Variants in IDNK observed in about 807,000 individuals in gnomAD.
IDNK encodes the protein IDNK gluconokinase, also known as gluconokinase.
Under a neutral mutation model 13.0 loss-of-function variants are expected in IDNK, and 9 were observed. The ratio of observed to expected loss-of-function variants is 0.69; its 90% CI spans 0.42 to 1.21. The LOEUF is 1.21. Among genes scored for constraint, IDNK ranks in the 50% most tolerant of loss-of-function variants. IDNK has a pLI of 0.00. For missense variants in IDNK, 210 were observed against 237.8 expected (o/e 0.88, Z 0.77); for synonymous variants, 92 against 94.9 (o/e 0.97, Z 0.18).
chr9:83,643,325 C>A, intron 4 of IDNK, 104 bp from the exon 5 acceptor site: 1 of 854,824 alleles, frequency 1.2e-6, no homozygotes, highest in Non-Finnish European at 1.8e-6. Flanking sequence ...ATGCCTTCCA[C>A]TGGCAGGAAG....
intron 1 of IDNK, 143 bp downstream of exon 1, chr9:83,623,364 C>T: frequency 1.3e-6 from 1 of 791,342 alleles, no homozygotes; most frequent in Middle Eastern, 2.3e-4. Context: ...CCGAGGCCCG[C>T]GGCTGCCGCG....
chr9:83,625,043 G>A (rs1388927112), intron 1 of IDNK, among the ~76,000 whole-genome samples: 3 of 152,202 alleles, frequency 2.0e-5, no homozygotes, highest in Non-Finnish European at 1.5e-5. Flanking sequence ...GGAGCAGGAA[G>A]GAACCCATTG....
In IDNK at chr9:83,631,451, G is replaced by GAAAAAAAAAAAAAA. The variant is rs57832482; in HGVS notation, c.168+2498_168+2511dup. ...GCAAGTCCCTGCCTCTACAAAAACT[G>GAAAAAAAAAAAAAA]AAAAAAAAAAAAAAAAAAAGGCTGG... is the stretch of plus-strand genomic sequence containing the variant. On this transcript the variant is annotated intron_variant, in intron 3 of 4. Transcript: ENST00000376419. Among the ~76,000 whole-genome samples the GAAAAAAAAAAAAAA allele has an allele frequency of 1.1e-3, 61 of 56,934 alleles. 10 individuals are homozygous for GAAAAAAAAAAAAAA. Among genetic ancestry groups the GAAAAAAAAAAAAAA allele is most frequent in the African/African-American group, 3.8e-3 (53 of 13,986 alleles). The allele number at this position is 56,934 out of a possible 152,430, so 37.4% of individuals were successfully genotyped here.
intron 3 of IDNK, among the ~76,000 whole-genome samples, chr9:83,631,574 T>C (rs1831016963): frequency 6.6e-6 from 1 of 151,364 alleles, no homozygotes; most frequent in Non-Finnish European, 1.5e-5. Flanking sequence ...ACTGCACTAC[T>C]GCACTCTAGC....
chr9:83,626,872 CT>C (rs1830867072), intron 1 of IDNK: 20 of 1,088,750 alleles, frequency 1.8e-5, no homozygotes, highest in Admixed American at 5.5e-5. Flanking sequence ...CTCTCGCAAC[CT>C]TTGGTTACAT....
At chr9:83,628,284 T>TCCCATC in intron 2 of IDNK, 73 bp downstream of exon 2, 1 of 1,327,040 alleles carries the variant, frequency 7.5e-7, no homozygotes, top group Non-Finnish European at 1.1e-6. Flanking sequence ...CTCTGCCTTT[T>TCCCATC]TTCTGCTTTG....
At chr9:83,636,891 A>G (rs2811910) in intron 3 of IDNK, among the ~76,000 whole-genome samples, 19,747 of 152,318 alleles carry the variant, frequency 0.13, 1,611 homozygotes, top group Middle Eastern at 0.26. Context: ...TGGGACATTT[A>G]TAAAAATTGA....
intron 4 of IDNK, among the ~76,000 whole-genome samples, chr9:83,643,068 G>A (rs760599086): frequency 4.6e-5 from 7 of 152,174 alleles, no homozygotes; most frequent in Non-Finnish European, 8.8e-5. Context: ...CACACACTGC[G>A]ACAGAGCAAC....
upstream of IDNK, chr9:83,623,056 G>T (rs1830741025): frequency 1.4e-6 from 1 of 719,688 alleles, no homozygotes; most frequent in South Asian, 2.9e-5. Context: ...GGAGGGCGCA[G>T]AGGGGCACGG....
chr9:83,626,646 G>A, intron 1 of IDNK: 1 of 1,155,538 alleles, frequency 8.7e-7, no homozygotes, highest in South Asian at 1.3e-5. Context: ...CGAACTCCTG[G>A]CCTCAAGTGA....
intron 4 of IDNK, 101 bp downstream of exon 4, chr9:83,641,692 C>A: frequency 8.4e-7 from 1 of 1,196,950 alleles, no homozygotes; most frequent in South Asian, 1.3e-5. Context: ...TCACAACTGA[C>A]TGATGGTAAA....
rs144306796 is a variant in IDNK at position 83,643,448 on chromosome 9, C to T, written c.232C>T (p.Arg78Cys). 68 of 1,607,654 alleles carry T rather than the reference C, an allele frequency of 4.2e-5. No individual in the cohort carries two copies. The highest frequency in any genetic ancestry group is 8.4e-5 in the Admixed American group (5 of 59,710). The change falls in exon 5 of 5, where the codon CGT becomes TGT. Residue 78 changes from arginine (R) to cysteine (C), a missense_variant. Physicochemically the swap from Arg to Cys is radical, Grantham distance 180. Coordinates refer to ENST00000376419, the MANE Select transcript of IDNK (RefSeq NM_001001551.4). ...AAACAGAGATGTAGCCTCGGGACAG[C>T]GTGTGGTTCTAGCCTGTTCAGCCCT... The part of the protein sequence containing the change: ...ILLRDVASGQ[R>C]VVLACSALKK...
chr9:83,633,139 A>G lies in IDNK; in HGVS notation c.168+4180A>G, dbSNP rs562765055. Among the ~76,000 whole-genome samples, 90 of 152,142 alleles carry G rather than the reference A, an allele frequency of 5.9e-4. No individual in the cohort carries two copies. In the Middle Eastern group the frequency reaches 0.01, roughly 17 times the overall value. On this transcript the variant is annotated intron_variant, in intron 3 of 4. Coordinates refer to ENST00000376419, the MANE Select transcript of IDNK (RefSeq NM_001001551.4). Reference sequence around the variant, plus strand: ...CAGATCACAAGGTCAGGAGATCGAGACCATCCTGGCTAACACGGTGAAATC... The same window carrying G: ...CAGATCACAAGGTCAGGAGATCGAGGCCATCCTGGCTAACACGGTGAAATC...
At chr9:83,628,322 C>G in intron 2 of IDNK, 111 bp downstream of exon 2, 1 of 937,320 alleles carries the variant, frequency 1.1e-6, no homozygotes, top group Non-Finnish European at 1.7e-6. Flanking sequence ...GGCTTTGAAC[C>G]CCACTGGAGC....
chr9:83,627,459 G>A (rs1467361222), intron 1 of IDNK, among the ~76,000 whole-genome samples: 2 of 152,132 alleles, frequency 1.3e-5, no homozygotes, highest in African/African-American at 4.8e-5. Context: ...TGTTTTGCAG[G>A]TGAGAAAACT....
At chr9:83,623,344 G>A in intron 1 of IDNK, 123 bp downstream of exon 1, 12 of 968,010 alleles carry the variant, frequency 1.2e-5, no homozygotes, top group Non-Finnish European at 1.7e-5. Flanking sequence ...TCCCTTTGCA[G>A]ATGAAGAAAC....
At chr9:83,639,094 C>A (rs1260875829) in intron 3 of IDNK, among the ~76,000 whole-genome samples, 1 of 152,164 alleles carries the variant, frequency 6.6e-6, no homozygotes, top group Admixed American at 6.5e-5. Context: ...ATACCACTCA[C>A]ATTTTTTACT....
At chr9:83,627,878 ATTAC>A (rs1564144746) in intron 1 of IDNK, 5 of 87,334 alleles carry the variant, frequency 5.7e-5, no homozygotes, top group Admixed American at 1.4e-4. Context: ...AAAAAAAAAA[ATTAC>A]ACAACAGGGA....
chr9:83,626,647 C>A, intron 1 of IDNK: 1 of 1,165,194 alleles, frequency 8.6e-7, no homozygotes, highest in Non-Finnish European at 1.1e-6. Context: ...GAACTCCTGG[C>A]CTCAAGTGAT....
Sources: allele counts gnomAD v4.1 joint callset (sites outside exome capture counted in the v4.1 genomes callset), GRCh38; gene constraint gnomAD v4.1.1; transcripts MANE v1.5; gene names NCBI Gene and HGNC (gene_info 2026-07-23, HGNC 2026-07-21).